Variants in PDE4D observed in about 807,000 individuals in gnomAD.
PDE4D encodes the protein phosphodiesterase 4D.
In PDE4D, 24 loss-of-function variants were observed where a neutral mutation model predicts 87.4. The ratio of observed to expected loss-of-function variants is 0.27; its 90% confidence interval spans 0.20 to 0.39. The LOEUF (loss-of-function observed/expected upper bound fraction) is 0.39, where lower values mean the gene tolerates loss of function less well. Ranked by LOEUF, PDE4D falls within the 10% of genes least tolerant of loss-of-function variation. The probability of loss-of-function intolerance (pLI) is 1.00; values close to 1 mark genes in which losing one functional copy is unlikely to be tolerated. For missense variants in PDE4D, 714 were observed against 1,041.0 expected (o/e 0.69, Z 4.32); for synonymous variants, 384 against 383.2 (o/e 1.00, Z -0.02).
At chr5:60,459,265 C>A (rs1009812183) in intron 1 of PDE4D, among the ~76,000 whole-genome samples, 1 of 152,106 alleles carries the variant, frequency 6.6e-6, no homozygotes, top group Non-Finnish European at 1.5e-5. Flanking sequence ...TACAAAGATG[C>A]CTGTTAAATA....
intron 1 of PDE4D, chr5:59,275,512 G>A (rs2153543709): frequency 1.4e-6 from 2 of 1,474,798 alleles, no homozygotes; most frequent in East Asian, 2.5e-5. Flanking sequence ...AAGGGAGGCT[G>A]CTTGAAGAAA....
At chr5:59,678,335 G>A (rs2150354919) in intron 1 of PDE4D, among the ~76,000 whole-genome samples, 1 of 151,936 alleles carries the variant, frequency 6.6e-6, no homozygotes, top group South Asian at 2.1e-4. Flanking sequence ...ACTCAGAGTT[G>A]GTTTCATACT....
chr5:60,121,150 A>G (rs1231927548), intron 2 of PDE4D, among the ~76,000 whole-genome samples: 2 of 151,828 alleles, frequency 1.3e-5, no homozygotes, highest in Non-Finnish European at 2.9e-5. Context: ...TTGTGGGACC[A>G]TGTGATCATG....
At chr5:59,782,002 T>C (rs1198086711) in intron 1 of PDE4D, among the ~76,000 whole-genome samples, 1 of 152,076 alleles carries the variant, frequency 6.6e-6, no homozygotes, top group Non-Finnish European at 1.5e-5. Flanking sequence ...AATAACAGAA[T>C]GTAGTAAAAC....
intron 2 of PDE4D, among the ~76,000 whole-genome samples, chr5:60,007,657 G>A (rs1183690055): frequency 6.6e-6 from 1 of 151,938 alleles, no homozygotes; most frequent in East Asian, 1.9e-4. Context: ...TAGGCTTTCA[G>A]GGTTGGCAGT....
At chr5:59,378,480 G>A (rs564671412) in intron 1 of PDE4D, among the ~76,000 whole-genome samples, 385 of 152,240 alleles carry the variant, frequency 2.5e-3, no homozygotes, top group African/African-American at 8.6e-3. Context: ...AAACCCGAGT[G>A]TATAGTCCTC....
intron 1 of PDE4D, among the ~76,000 whole-genome samples, chr5:60,513,277 C>A (rs1469380558): frequency 1.3e-5 from 2 of 151,870 alleles, no homozygotes; most frequent in Non-Finnish European, 2.9e-5. Context: ...CAGGCACTAC[C>A]CCAGAATAAA....
chr5:59,117,844 A>C (rs1773870863), intron 5 of PDE4D, among the ~76,000 whole-genome samples: 1 of 145,308 alleles, frequency 6.9e-6, no homozygotes, highest in African/African-American at 2.6e-5. Context: ...TGGGATGGTG[A>C]GAAAAGGAGG....
At chr5:60,356,894 C>T (rs1236899679) in intron 1 of PDE4D, among the ~76,000 whole-genome samples, 3 of 152,136 alleles carry the variant, frequency 2.0e-5, no homozygotes, top group Non-Finnish European at 4.4e-5. Context: ...CTGGCAGGGC[C>T]TCTGTAGCTC....
Position 59,320,573 on chromosome 5 carries a change from A to C in PDE4D, c.456-104605T>G, listed in dbSNP as rs551584879. ...TGTAATTCATTACCCATATTTTGTCAGCAGCAACTTGTAAAAACTTTAAAT... is the reference window on the plus strand; with the variant it reads ...TGTAATTCATTACCCATATTTTGTCCGCAGCAACTTGTAAAAACTTTAAAT... On this transcript the variant is annotated intron_variant, in intron 1 of 14. Coordinates refer to ENST00000340635, the MANE Select transcript of PDE4D (RefSeq NM_001104631.2). 3.1e-4 allele frequency among the ~76,000 whole-genome samples: 47 copies of C among 152,284 alleles called. 1 individual carries two copies. The highest frequency in any genetic ancestry group is 1.1e-3 in the African/African-American group (47 of 41,576).
chr5:60,184,283 A>G (rs1412719298), intron 2 of PDE4D, among the ~76,000 whole-genome samples: 2 of 152,158 alleles, frequency 1.3e-5, no homozygotes, highest in East Asian at 1.9e-4. Context: ...CTGAAATTCA[A>G]TAACAGAAAA....
chr5:59,193,664 C>A, intron 2 of PDE4D, 128 bp from the exon 3 acceptor site: 40 of 1,478,774 alleles, frequency 2.7e-5, no homozygotes, highest in Non-Finnish European at 3.4e-5. Context: ...CATCCTTATA[C>A]TTCAGCACAT....
At chr5:58,992,382 T>C (rs1354531830) in intron 7 of PDE4D, among the ~76,000 whole-genome samples, 1 of 152,218 alleles carries the variant, frequency 6.6e-6, no homozygotes, top group African/African-American at 2.4e-5. Context: ...CTGAATATTG[T>C]TCTTGCCAAC....
At chr5:59,791,170 T>C (rs1317847191) in intron 1 of PDE4D, among the ~76,000 whole-genome samples, 1 of 152,222 alleles carries the variant, frequency 6.6e-6, no homozygotes, top group Non-Finnish European at 1.5e-5. Flanking sequence ...AGAATTCACA[T>C]AAATCTCCTG....
chr5:60,486,983 A>AT (rs754602640), intron 1 of PDE4D, among the ~76,000 whole-genome samples: 43 of 152,212 alleles, frequency 2.8e-4, no homozygotes, highest in Non-Finnish European at 5.6e-4. Context: ...AAGCCCTATT[A>AT]TTTTTTATGA....
chr5:59,302,847 G>A (rs1417955950), intron 1 of PDE4D, among the ~76,000 whole-genome samples: 4 of 152,130 alleles, frequency 2.6e-5, no homozygotes, highest in East Asian at 1.9e-4. Flanking sequence ...ATAAACATAC[G>A]TGTACAAGTG....
At chr5:60,158,141 TA>T (rs1416904275) in intron 2 of PDE4D, among the ~76,000 whole-genome samples, 1 of 152,200 alleles carries the variant, frequency 6.6e-6, no homozygotes, top group African/African-American at 2.4e-5. Context: ...ACTTAATAAT[TA>T]AAATATGTTC....
intron 1 of PDE4D, among the ~76,000 whole-genome samples, chr5:60,285,458 C>A (rs1395551184): frequency 6.7e-6 from 1 of 149,580 alleles, no homozygotes. Context: ...TAGAAAAGAA[C>A]AAACAAAAAA....
At chr5:59,208,565 A>G (rs1749351628) in intron 2 of PDE4D, among the ~76,000 whole-genome samples, 1 of 152,212 alleles carries the variant, frequency 6.6e-6, no homozygotes, top group African/African-American at 2.4e-5. Flanking sequence ...TTATTTTTAT[A>G]CTGTGGCATT....
Sources: allele counts gnomAD v4.1 joint callset (sites outside exome capture counted in the v4.1 genomes callset), GRCh38; gene constraint gnomAD v4.1.1; transcripts MANE v1.5; gene names NCBI Gene and HGNC (gene_info 2026-07-23, HGNC 2026-07-21).